Variants in HMGN5 observed in about 807,000 individuals in gnomAD.
HMGN5 encodes the protein high mobility group nucleosome-binding domain-containing protein 5.
Under a neutral mutation model 9.5 loss-of-function variants are expected in HMGN5, and 4 were observed. The ratio of observed to expected loss-of-function variants is 0.42; its 90% CI spans 0.21 to 0.96. The LOEUF (loss-of-function observed/expected upper bound fraction) is 0.96, where lower values mean the gene tolerates loss of function less well. Ranked by LOEUF, HMGN5 falls within the 40% of genes least tolerant of loss-of-function variation. The pLI is 0.30. For synonymous variants in HMGN5, 55 were observed against 57.1 expected (o/e 0.96, Z 0.16); for missense variants, 192 against 187.5 (o/e 1.02, Z -0.14).
intron 1 of HMGN5, among the ~76,000 whole-genome samples, chrX:81,180,663 C>T (rs1355172766): frequency 8.9e-6 from 1 of 111,772 alleles, no homozygotes; most frequent in Non-Finnish European, 1.9e-5. Flanking sequence ...GGATCTAGAA[C>T]TAGAAATATC....
At chrX:81,175,093 C>A (rs2075437859) in intron 1 of HMGN5, among the ~76,000 whole-genome samples, 1 of 111,769 alleles carries the variant, frequency 8.9e-6, no homozygotes, top group Non-Finnish European at 1.9e-5. Flanking sequence ...TTTATTTGAA[C>A]ATAAGAGTGG....
At chrX:81,159,192 A>G (rs1425212598) in intron 1 of HMGN5, among the ~76,000 whole-genome samples, 3 of 111,081 alleles carry the variant, frequency 2.7e-5, no homozygotes, top group African/African-American at 9.8e-5. Flanking sequence ...ATGGAAACAC[A>G]TGAGCACAGG....
intron 1 of HMGN5, among the ~76,000 whole-genome samples, chrX:81,135,268 C>T (rs1357408207): frequency 1.8e-5 from 2 of 111,428 alleles, no homozygotes; most frequent in African/African-American, 3.2e-5. Flanking sequence ...TCTCACATCT[C>T]AATAAGAAAA....
rs1484923492 is a variant in HMGN5, at chrX:81,121,677, A to G, written c.-123-5T>C. The G allele has an allele frequency of 1.9e-4, 33 of 169,256 alleles. No homozygotes were observed. Among genetic ancestry groups the G allele is most frequent in the Non-Finnish European group, 3.3e-4 (30 of 91,687 alleles). The allele number at this position is 169,256 out of a possible 1,213,427, so 13.9% of individuals were successfully genotyped here. A position where few individuals can be genotyped will look rare whatever the true frequency, so the allele number is the denominator to read the frequency against. On this transcript the variant is annotated splice_region_variant and splice_polypyrimidine_tract_variant and intron_variant, in intron 1 of 6. Transcript: ENST00000358130. ...CAGCACGACCTGTACTCTCCTCTGGAAAAAAAAAAAATCCCTCGTTATTGG... is the reference window on the plus strand; with the variant it reads ...CAGCACGACCTGTACTCTCCTCTGGGAAAAAAAAAAATCCCTCGTTATTGG...
chrX:81,114,548 A>G lies in HMGN5; in HGVS notation c.*101T>C. 1 of 765,815 alleles carries G rather than the reference A, an allele frequency of 1.3e-6. No homozygotes were observed. Among genetic ancestry groups the G allele is most frequent in the Non-Finnish European group, 1.7e-6 (1 of 575,275 alleles). 63.1% of individuals were successfully genotyped at this position (765,815 alleles called of 1,213,427 possible). On this transcript the variant is annotated 3_prime_UTR_variant, in exon 7 of 7. Coordinates refer to ENST00000358130, the MANE Select transcript of HMGN5 (RefSeq NM_030763.3). ...TTCTGAAATTAAATCAATGCTAAAG[A>G]AAGGCTGTGTTTATAAAATTTTTGA... is the stretch of plus-strand genomic sequence containing the variant.
chrX:81,188,235 A>C (rs2075482893), intron 1 of HMGN5, among the ~76,000 whole-genome samples: 2 of 106,298 alleles, frequency 1.9e-5, no homozygotes. Flanking sequence ...AGTAGCTGGG[A>C]CTACAGGCAT....
intron 1 of HMGN5, among the ~76,000 whole-genome samples, chrX:81,129,104 C>A (rs752514056): frequency 9.0e-6 from 1 of 111,332 alleles, no homozygotes; most frequent in South Asian, 3.8e-4. Flanking sequence ...AAAAAAGTAC[C>A]TATTTGCACA....
At chrX:81,178,641 A>G (rs2075450603) in intron 1 of HMGN5, among the ~76,000 whole-genome samples, 1 of 112,143 alleles carries the variant, frequency 8.9e-6, no homozygotes, top group Non-Finnish European at 1.9e-5. Flanking sequence ...AGCTGGTACC[A>G]TTCCTTCTGA....
At chrX:81,133,913 T>G (rs2075304454) in intron 1 of HMGN5, among the ~76,000 whole-genome samples, 1 of 111,707 alleles carries the variant, frequency 9.0e-6, no homozygotes, top group African/African-American at 3.2e-5. Flanking sequence ...AGGTTTTTGT[T>G]AGCAATTACT....
chrX:81,127,811 A>T (rs1434983195), intron 1 of HMGN5, among the ~76,000 whole-genome samples: 1 of 111,605 alleles, frequency 9.0e-6, no homozygotes, highest in Non-Finnish European at 1.9e-5. Flanking sequence ...GCAGAGCTCA[A>T]GTAGATTTTC....
In HMGN5 at chrX:81,150,813, C is replaced by T. The variant is rs770121959; in HGVS notation, c.-123-29141G>A. ...CATTACAATTGACACTGTAGAAATT[C>T]GAAGGATCATTAGTAGCTACTATGA... On this transcript the variant is annotated intron_variant, in intron 1 of 6. Coordinates refer to ENST00000358130, the MANE Select transcript of HMGN5 (RefSeq NM_030763.3). Among the ~76,000 whole-genome samples, 22 of 110,817 alleles carry T rather than the reference C, an allele frequency of 2.0e-4. No individual in the cohort carries two copies. The South Asian group carries it at 5.7e-3, about 29-fold the overall frequency.
chrX:81,148,730 C>T (rs956677063), intron 1 of HMGN5, among the ~76,000 whole-genome samples: 9 of 111,461 alleles, frequency 8.1e-5, no homozygotes, highest in Middle Eastern at 4.6e-3. Context: ...GCAATCTACT[C>T]ATCTGACAAA....
intron 1 of HMGN5, among the ~76,000 whole-genome samples, chrX:81,143,371 C>T (rs1344075295): frequency 2.7e-5 from 3 of 112,065 alleles, no homozygotes; most frequent in Non-Finnish European, 3.8e-5. Flanking sequence ...AACCAGGGGA[C>T]TTGCTGGCAA....
intron 1 of HMGN5, among the ~76,000 whole-genome samples, chrX:81,159,394 A>C (rs1214193546): frequency 9.0e-6 from 1 of 111,636 alleles, no homozygotes; most frequent in Non-Finnish European, 1.9e-5. Context: ...AACTTCAAAT[A>C]AAAATAAAAA....
In HMGN5 at chrX:81,114,388, A is replaced by C. The variant is rs1386054246; in HGVS notation, c.*261T>G. 2.3e-5 allele frequency: 5 copies of C among 221,965 alleles called. No homozygotes were observed. The Admixed American group carries it at 3.5e-4, about 16-fold the overall frequency. The allele number at this position is 221,965 out of a possible 1,213,427, so 18.3% of individuals were successfully genotyped here. ...ATTAAAATTCAAAGATTTGACATAT[A>C]ACTTACACAACACGAAATTCACTCA... On this transcript the variant is annotated 3_prime_UTR_variant, in exon 7 of 7. Transcript: ENST00000358130.
intron 1 of HMGN5, among the ~76,000 whole-genome samples, chrX:81,171,517 TA>T (rs1460014474): frequency 9.0e-6 from 1 of 111,593 alleles, no homozygotes; most frequent in Non-Finnish European, 1.9e-5. Context: ...CTCAGTTATT[TA>T]ACAATTCATT....
At chrX:81,191,993 A>G (rs1423290798) in intron 1 of HMGN5, among the ~76,000 whole-genome samples, 2 of 111,312 alleles carry the variant, frequency 1.8e-5, no homozygotes, top group Non-Finnish European at 3.8e-5. Context: ...CTATATAAGT[A>G]AAGTGTTGTT....
intron 1 of HMGN5, among the ~76,000 whole-genome samples, chrX:81,153,231 A>G (rs186014272): frequency 1.1e-4 from 12 of 108,759 alleles, no homozygotes; most frequent in Non-Finnish European, 1.7e-4. Context: ...CCTCAACGAA[A>G]TACTTCAAAA....
intron 1 of HMGN5, among the ~76,000 whole-genome samples, chrX:81,192,474 T>A (rs1314560718): frequency 8.9e-6 from 1 of 112,017 alleles, no homozygotes; most frequent in Non-Finnish European, 1.9e-5. Context: ...TTTTCTTATG[T>A]CTTTTAGTTC....
Sources: allele counts gnomAD v4.1 joint callset (sites outside exome capture counted in the v4.1 genomes callset), GRCh38; gene constraint gnomAD v4.1.1; transcripts MANE v1.5; gene names NCBI Gene and HGNC (gene_info 2026-07-23, HGNC 2026-07-21).